RAP1GAP2: variants seen among roughly 807,000 people sequenced by gnomAD.
The protein encoded by RAP1GAP2 is RAP1 GTPase activating protein 2.
In RAP1GAP2, 27 loss-of-function variants were observed where a neutral mutation model predicts 95.0. That is an observed-to-expected ratio of 0.28 (90% CI 0.21 to 0.39). The LOEUF (loss-of-function observed/expected upper bound fraction) is 0.39. Among genes scored for constraint, RAP1GAP2 ranks in the 10% least tolerant of loss-of-function variants. The pLI, the probability that RAP1GAP2 is intolerant of heterozygous loss-of-function variation, is 1.00. For synonymous variants in RAP1GAP2, 373 were observed against 380.9 expected (o/e 0.98, Z 0.24); for missense variants, 771 against 970.0 (o/e 0.79, Z 2.72).
Position 2,867,161 on chromosome 17 carries a change from A to G in RAP1GAP2, c.81-38123A>G, listed in dbSNP as rs970487840. Among the ~76,000 whole-genome samples, 4 of 152,160 alleles carry G rather than the reference A, an allele frequency of 2.6e-5. No individual in the cohort carries two copies. Among genetic ancestry groups the G allele is most frequent in the African/African-American group, 7.2e-5 (3 of 41,436 alleles). On this transcript the variant is annotated intron_variant, in intron 2 of 24. Coordinates refer to ENST00000254695, the MANE Select transcript of RAP1GAP2 (RefSeq NM_015085.5). The surrounding 1 kb of genome is among the most constrained non-coding windows in gnomAD (Gnocchi z 4.5). ...TGATTCCCCTCACCTTGGCCTCCCA[A>G]AGTGCTGGGATTACAGGTGTGAGCC...
intron 2 of RAP1GAP2, among the ~76,000 whole-genome samples, chr17:2,832,326 A>C (rs1400322449): frequency 4.0e-5 from 6 of 151,882 alleles, no homozygotes; most frequent in Non-Finnish European, 8.8e-5. Flanking sequence ...TGGGAGGCCA[A>C]GGTGGGTGGA....
chr17:2,988,083 G>T (rs181383063), intron 11 of RAP1GAP2, among the ~76,000 whole-genome samples: 1 of 152,064 alleles, frequency 6.6e-6, no homozygotes, highest in Non-Finnish European at 1.5e-5. Flanking sequence ...GGTGGTGGGC[G>T]CCTATAGTCC....
intron 3 of RAP1GAP2, among the ~76,000 whole-genome samples, chr17:2,931,356 T>G (rs2151793541): frequency 6.6e-6 from 1 of 151,916 alleles, no homozygotes; most frequent in East Asian, 1.9e-4. Flanking sequence ...TTCTTTGTTG[T>G]ATCAAGTGTT....
rs2072660618 is a variant in RAP1GAP2, at chr17:2,867,451, G to A, written c.81-37833G>A. Among the ~76,000 whole-genome samples, 1 of 150,752 alleles carries A rather than the reference G, an allele frequency of 6.6e-6. No homozygotes were observed. The highest frequency in any genetic ancestry group is 6.6e-5 in the Admixed American group (1 of 15,212). ...CTCAGGTACCTTATCCACGAAGATGGACGATGGCTGCCCTGGGCTGACCTT... is the reference window on the plus strand; with the variant it reads ...CTCAGGTACCTTATCCACGAAGATGAACGATGGCTGCCCTGGGCTGACCTT... On this transcript the variant is annotated intron_variant, in intron 2 of 24. Coordinates refer to ENST00000254695, the MANE Select transcript of RAP1GAP2 (RefSeq NM_015085.5). The surrounding 1 kb of genome is among the most constrained non-coding windows in gnomAD (Gnocchi z 4.5).
intron 2 of RAP1GAP2, among the ~76,000 whole-genome samples, chr17:2,891,026 T>A (rs1230928149): frequency 3.9e-5 from 6 of 152,140 alleles, no homozygotes; most frequent in Admixed American, 3.3e-4. Flanking sequence ...TATTCATTGT[T>A]ATGTGAGAGG....
intron 2 of RAP1GAP2, among the ~76,000 whole-genome samples, chr17:2,771,486 G>GTTTTTTTTTTTTT (rs566884358): frequency 6.5e-5 from 8 of 123,468 alleles, no homozygotes; most frequent in Non-Finnish European, 8.3e-5. Context: ...CCACTTTTTT[G>GTTTTTTTTTTTTT]TTTTTTTTTT....
intron 1 of RAP1GAP2, among the ~76,000 whole-genome samples, chr17:2,770,044 G>C (rs1015410685): frequency 7.1e-6 from 1 of 141,222 alleles, no homozygotes; most frequent in Non-Finnish European, 1.5e-5. Context: ...CTGCACTCCA[G>C]CCTGGGCAAC....
At chr17:2,772,212 T>A (rs2068411350), upstream of RAP1GAP2, among the ~76,000 whole-genome samples, 2 of 152,192 alleles carry the variant, frequency 1.3e-5, no homozygotes, top group South Asian at 4.1e-4. Flanking sequence ...GGTCTCGAAC[T>A]CCTGACCTCA....
In RAP1GAP2 at chr17:3,003,281, T is replaced by C. The variant is rs1017993442; in HGVS notation, c.1201-2088T>C. 6.6e-6 allele frequency among the ~76,000 whole-genome samples: 1 copy of C among 152,154 alleles called. No individual in the cohort carries two copies. Among genetic ancestry groups the C allele is most frequent in the Admixed American group, 6.5e-5 (1 of 15,280 alleles). ...GTCGGGTGTGCACGAAGCATCACTC[T>C]GGATTATTTTTCAGAAATGAGTGTA... On this transcript the variant is annotated intron_variant, in intron 14 of 24. Coordinates refer to ENST00000254695, the MANE Select transcript of RAP1GAP2 (RefSeq NM_015085.5). This position sits in a 1 kb window ranked among gnomAD's most constrained non-coding sequence, Gnocchi z 4.1.
chr17:2,801,862 T>C (rs1202829682), intron 2 of RAP1GAP2, among the ~76,000 whole-genome samples: 1 of 152,084 alleles, frequency 6.6e-6, no homozygotes, highest in Non-Finnish European at 1.5e-5. Context: ...CTTCATTCCT[T>C]TTTCCTCTGC....
rs949716540 is a variant in RAP1GAP2, at chr17:3,026,223, G to C, written c.1865+102G>C. On this transcript the variant is annotated intron_variant, in intron 20 of 24. Coordinates refer to ENST00000254695, the MANE Select transcript of RAP1GAP2 (RefSeq NM_015085.5). ...TGAGAGTGGCCATCTCCTGCCTCTG[G>C]AACTCTCCAGAACACAAAGGCCGAC... The C allele has an allele frequency of 1.3e-5, 17 of 1,294,602 alleles. 1 individual carries two copies. In the African/African-American group the frequency reaches 2.2e-4, roughly 17 times the overall value. The allele number at this position is 1,294,602 out of a possible 1,614,324, so 80.2% of individuals were successfully genotyped here.
chr17:3,011,901 A>G (rs938801107), intron 17 of RAP1GAP2, among the ~76,000 whole-genome samples: 3 of 152,124 alleles, frequency 2.0e-5, no homozygotes, highest in African/African-American at 7.2e-5. Context: ...GGCGTGAGGC[A>G]CTGCGCCCGG....
At position 3,026,343 on chromosome 17, in the gene RAP1GAP2, C is replaced by T. The variant is rs1039023872; in HGVS notation, c.1866-7C>T. 1.4e-5 allele frequency: 21 copies of T among 1,548,032 alleles called. No individual in the cohort carries two copies. The Admixed American group carries it at 2.9e-4, about 22-fold the overall frequency. ...CCCGGGCTGGCCTCACTTCCTATTCCCTGCAGGCCCTTCATGAAGTTGAAG... is the reference window on the plus strand; with the variant it reads ...CCCGGGCTGGCCTCACTTCCTATTCTCTGCAGGCCCTTCATGAAGTTGAAG... On this transcript the variant is annotated splice_polypyrimidine_tract_variant and splice_region_variant and intron_variant, in intron 20 of 24. Coordinates refer to ENST00000254695, the MANE Select transcript of RAP1GAP2 (RefSeq NM_015085.5).
intron 2 of RAP1GAP2, among the ~76,000 whole-genome samples, chr17:2,804,051 G>T (rs1174713801): frequency 6.6e-6 from 1 of 152,224 alleles, no homozygotes; most frequent in Non-Finnish European, 1.5e-5. Context: ...AATGCCCACT[G>T]TTGGGGCTCC....
rs1408426152 is a variant in RAP1GAP2, at chr17:2,889,889, A to ATATATATATAT, written c.81-15394_81-15393insATATATATATT. Among the ~76,000 whole-genome samples the ATATATATATAT allele has an allele frequency of 2.0e-3, 115 of 57,262 alleles. 1 individual carries two copies. Among genetic ancestry groups the ATATATATATAT allele is most frequent in the Non-Finnish European group, 2.5e-3 (82 of 32,492 alleles). 37.6% of individuals were successfully genotyped at this position (57,262 alleles called of 152,430 possible). A position where few individuals can be genotyped will look rare whatever the true frequency, so the allele number is the denominator to read the frequency against. ...TATATATATATATATATATATATAT[A>ATATATATATAT]TTTTTTTTTTTTTTTGTAGAGATGG... On this transcript the variant is annotated intron_variant, in intron 2 of 24. Coordinates refer to ENST00000254695, the MANE Select transcript of RAP1GAP2 (RefSeq NM_015085.5).
At chr17:3,026,899 C>A in intron 21 of RAP1GAP2, 45 bp from the exon 22 acceptor site, 2 of 1,534,996 alleles carry the variant, frequency 1.3e-6, no homozygotes, top group Admixed American at 2.0e-5. Context: ...GTGGGCGCAG[C>A]TGCCGAGGGT....
At chr17:2,781,798 G>A (rs545561137) in intron 1 of RAP1GAP2, among the ~76,000 whole-genome samples, 19 of 126,414 alleles carry the variant, frequency 1.5e-4, no homozygotes, top group East Asian at 5.1e-4. Context: ...GTGTGTGCAC[G>A]TCTGTGTGTG....
intron 3 of RAP1GAP2, among the ~76,000 whole-genome samples, chr17:2,917,630 C>T (rs755688920): frequency 2.0e-5 from 3 of 152,106 alleles, no homozygotes; most frequent in African/African-American, 4.8e-5. Context: ...GTCTCAAACT[C>T]CAGATCTCAG....
At chr17:2,776,801 G>A (rs952105207), upstream of RAP1GAP2, among the ~76,000 whole-genome samples, 12 of 150,506 alleles carry the variant, frequency 8.0e-5, no homozygotes, top group Non-Finnish European at 1.8e-4. Context: ...CGGCAGGACT[G>A]CTGCGAGGGA....
Sources: gnomAD v4.1 joint callset for allele counts (sites outside exome capture counted in the v4.1 genomes callset) on GRCh38, gnomAD v4.1.1 for gene constraint, Gnocchi (gnomAD v3.1) non-coding constraint, MANE v1.5 for transcripts, NCBI Gene and HGNC (gene_info 2026-07-23, HGNC 2026-07-21) for gene names.